FAM220A: variants seen among roughly 807,000 people sequenced by gnomAD.
FAM220A encodes the protein family with sequence similarity 220 member A, also known as protein FAM220A.
For missense variants in FAM220A, 392 were observed against 321.6 expected (o/e 1.22, Z -1.68); for synonymous variants, 141 against 130.7 (o/e 1.08, Z -0.54).
In FAM220A at chr7:6,330,416, G is replaced by C; in HGVS notation, c.739C>G (p.Leu247Val). 4 of 1,613,954 alleles carry C rather than the reference G, an allele frequency of 2.5e-6. No homozygotes were observed. The highest frequency in any genetic ancestry group is 2.2e-5 in the South Asian group (2 of 91,036). The change falls in exon 2 of 2, where the codon CTG (leucine) becomes GTG (valine). Residue 247 changes from leucine (L) to valine (V), a missense_variant. Transcript: ENST00000313324. ...GTATTTGCTAATTCAAAAGGTTGCA[G>C]AGCCAGTAACCCCAGTGTTATCTGC... is the stretch of plus-strand genomic sequence containing the variant. The part of the protein sequence containing the change: ...GLQITLGLLA[L>V]QPFELANTLC...
chr7:6,342,437 C>G (rs539184857), intron 1 of FAM220A, among the ~76,000 whole-genome samples: 1 of 151,728 alleles, frequency 6.6e-6, no homozygotes, highest in East Asian at 2.0e-4. Context: ...CCCAGCTACT[C>G]GGGAGGCAGG....
intron 1 of FAM220A, among the ~76,000 whole-genome samples, chr7:6,340,199 G>A (rs891412707): frequency 4.6e-5 from 7 of 152,110 alleles, no homozygotes; most frequent in Non-Finnish European, 8.8e-5. Flanking sequence ...CCAGGATTCT[G>A]TGAAGATTCG....
chr7:6,336,920 C>G (rs1392173220), intron 1 of FAM220A, among the ~76,000 whole-genome samples: 1 of 151,808 alleles, frequency 6.6e-6, no homozygotes, highest in Non-Finnish European at 1.5e-5. Context: ...TCCCAAAGTG[C>G]TGGAATTACA....
At position 6,330,794 on chromosome 7, in the gene FAM220A, C is replaced by T. The variant is rs756681353; in HGVS notation, c.361G>A (p.Gly121Ser). Residue 121 changes from glycine (G) to serine (S), a missense_variant, in exon 2 of 2, where the codon GGT becomes AGT. Transcript: ENST00000313324. The stretch of plus-strand genomic sequence containing the variant: ...TCTCGCCGCCCCAGAGCTTCAACAC[C>T]ACTGCAGGACACCCGAGCAAAACAC... The part of the protein sequence containing the change: ...TECFARVSCS[G>S]VEALGRRDWL... 5 of 1,614,078 alleles carry T rather than the reference C, an allele frequency of 3.1e-6. No homozygotes were observed. The highest frequency in any genetic ancestry group is 8.5e-7 in the Non-Finnish European group (1 of 1,180,038).
intron 1 of FAM220A, among the ~76,000 whole-genome samples, chr7:6,341,513 C>A (rs1057194978): frequency 1.4e-5 from 2 of 147,732 alleles, no homozygotes; most frequent in Non-Finnish European, 3.0e-5. Context: ...TGAAACCCTG[C>A]CTCTACTAAA....
intron 1 of FAM220A, among the ~76,000 whole-genome samples, chr7:6,336,832 T>C (rs1025283816): frequency 3.9e-5 from 6 of 152,038 alleles, no homozygotes; most frequent in African/African-American, 1.4e-4. Flanking sequence ...TTTTTTGTAT[T>C]TTGTGTAGAG....
In FAM220A at chr7:6,348,960, C is replaced by T; in HGVS notation, c.-469G>A. 2.7e-6 allele frequency: 1 copy of T among 377,020 alleles called. No individual in the cohort carries two copies. The highest frequency in any genetic ancestry group is 3.9e-5 in the East Asian group (1 of 25,884). The allele number at this position is 377,020 out of a possible 1,614,324, so 23.4% of individuals were successfully genotyped here. ...GCAGCCGCCTGTACCAGCCTGGCCG[C>T]GCAGCCTGACGTCACAAAGCCAGCC... On this transcript the variant is annotated 5_prime_UTR_variant, in exon 1 of 2. Coordinates refer to ENST00000313324, the MANE Select transcript of FAM220A (RefSeq NM_001037163.2).
intron 1 of FAM220A, among the ~76,000 whole-genome samples, chr7:6,338,983 A>T (rs1781799041): frequency 6.6e-6 from 1 of 152,130 alleles, no homozygotes; most frequent in African/African-American, 2.4e-5. Flanking sequence ...ACGCTAGCAC[A>T]CCTTAACTCA....
chr7:6,336,963 C>T (rs937521133), intron 1 of FAM220A, among the ~76,000 whole-genome samples: 20 of 151,760 alleles, frequency 1.3e-4, no homozygotes, highest in African/African-American at 4.8e-4. Context: ...CATATTCTTT[C>T]AAACCTTACA....
At chr7:6,342,663 G>A (rs1017777784) in intron 1 of FAM220A, among the ~76,000 whole-genome samples, 3 of 152,126 alleles carry the variant, frequency 2.0e-5, no homozygotes, top group South Asian at 2.1e-4. Context: ...GCAAATGTTC[G>A]TAGTAACATT....
chr7:6,338,248 T>C (rs1781783886), intron 1 of FAM220A, among the ~76,000 whole-genome samples: 1 of 152,332 alleles, frequency 6.6e-6, no homozygotes. Context: ...ATTTAAGTCA[T>C]TTATGAGTTT....
chr7:6,331,110 CA>C lies in FAM220A; in HGVS notation c.44del (p.Val15GlyfsTer33), dbSNP rs1341694092. 6.2e-7 allele frequency: 1 copy of C among 1,613,238 alleles called. No homozygotes were observed. Among genetic ancestry groups the C allele is most frequent in the Non-Finnish European group, 8.5e-7 (1 of 1,180,026 alleles). Reference sequence around the variant, plus strand: ...CCGAGTCACCTCCTCCGGCCTGCTGCACTTGTGCCAGGCAGGTGCCGAGGGG... The same window carrying C: ...CCGAGTCACCTCCTCCGGCCTGCTGCCTTGTGCCAGGCAGGTGCCGAGGGG... ...RGPLGTCLAQ[V>X]QQAGGGDSDK... is the part of the protein sequence containing the mutation. On this transcript the variant is annotated frameshift_variant, in exon 2 of 2. Coordinates refer to ENST00000313324, the MANE Select transcript of FAM220A (RefSeq NM_001037163.2). LOFTEE classifies it low-confidence loss of function (END_TRUNC).
At chr7:6,343,562 A>C (rs907043528) in intron 1 of FAM220A, among the ~76,000 whole-genome samples, 12 of 151,472 alleles carry the variant, frequency 7.9e-5, no homozygotes, top group African/African-American at 2.9e-4. Context: ...TGCTTTTACT[A>C]AATTTAGTAT....
chr7:6,340,700 C>A (rs1034589314), intron 1 of FAM220A, among the ~76,000 whole-genome samples: 1 of 151,830 alleles, frequency 6.6e-6, no homozygotes, highest in African/African-American at 2.4e-5. Context: ...GAGATCGAGA[C>A]CATCCTGGCT....
chr7:6,340,215 T>C (rs1390664160), intron 1 of FAM220A, among the ~76,000 whole-genome samples: 1 of 152,158 alleles, frequency 6.6e-6, no homozygotes, highest in East Asian at 1.9e-4. Flanking sequence ...ATTCGATGTA[T>C]GAGAAGCAGC....
At position 6,347,573 on chromosome 7, in the gene FAM220A, G is replaced by C. The variant is rs780992937; in HGVS notation, c.-82+1000C>G. On this transcript the variant is annotated intron_variant, in intron 1 of 1. Transcript: ENST00000313324. ...AGCAAAGGCGGTCTCCAGGGTGCTG[G>C]GGTGTGAGCATACTCTAAGATCAGC... Among the ~76,000 whole-genome samples, 110 of 152,074 alleles carry C rather than the reference G, an allele frequency of 7.2e-4. 1 individual carries two copies. Among genetic ancestry groups the C allele is most frequent in the Non-Finnish European group, 1.2e-3 (79 of 67,996 alleles).
At chr7:6,333,840 CTTTTTT>C (rs904989717) in intron 1 of FAM220A, among the ~76,000 whole-genome samples, 3 of 96,832 alleles carry the variant, frequency 3.1e-5, no homozygotes, top group East Asian at 6.6e-4. Context: ...CTCCTGGCCT[CTTTTTT>C]TTTTTTTTTT....
chr7:6,333,901 C>T (rs890138743), intron 1 of FAM220A, among the ~76,000 whole-genome samples: 3 of 136,510 alleles, frequency 2.2e-5, no homozygotes, highest in East Asian at 2.2e-4. Flanking sequence ...GGCTGGAGTG[C>T]AGTGGCGCCA....
intron 1 of FAM220A, among the ~76,000 whole-genome samples, chr7:6,333,572 C>T (rs1327067352): frequency 6.6e-6 from 1 of 152,018 alleles, no homozygotes; most frequent in Non-Finnish European, 1.5e-5. Flanking sequence ...GATCACAGCT[C>T]ACTGCAGCCT....
Sources: gnomAD v4.1 joint callset for allele counts (sites outside exome capture counted in the v4.1 genomes callset) on GRCh38, gnomAD v4.1.1 for gene constraint, MANE v1.5 for transcripts, NCBI Gene and HGNC (gene_info 2026-07-23, HGNC 2026-07-21) for gene names.